ROCK2: variants seen among roughly 807,000 people sequenced by gnomAD.
The protein encoded by ROCK2 is Rho associated coiled-coil containing protein kinase 2.
ROCK2 carries 61 observed loss-of-function variants against 195.1 expected under a neutral mutation model. That is an observed-to-expected ratio of 0.31 (90% CI 0.25 to 0.39). The LOEUF is 0.39. Among genes scored for constraint, ROCK2 ranks in the 10% least tolerant of loss-of-function variants. ROCK2 has a pLI of 1.00. For missense variants in ROCK2, 1,109 were observed against 1,637.4 expected, an observed-to-expected ratio of 0.68 and a Z score of 5.57; for synonymous variants, 504 against 545.5, an observed-to-expected ratio of 0.92 and a Z score of 1.06.
At chr2:11,272,986 AC>A (rs143307613) in intron 3 of ROCK2, among the ~76,000 whole-genome samples, 6,393 of 151,858 alleles carry the variant, frequency 0.042, 273 homozygotes, top group Non-Finnish European at 0.06. Context: ...TATGGTATCT[AC>A]AAAGAAAACA....
intron 1 of ROCK2, among the ~76,000 whole-genome samples, chr2:11,297,173 A>C (rs749958234): frequency 1.4e-4 from 21 of 152,282 alleles, no homozygotes; most frequent in South Asian, 6.2e-4. Context: ...GGTAGGAATT[A>C]GTATTTTTAA....
In ROCK2 at chr2:11,320,444, A is replaced by C. The variant is rs1668366395; in HGVS notation, c.141+23552T>G. On this transcript the variant is annotated intron_variant, in intron 1 of 32. Transcript: ENST00000315872. ...CTAAATACTTTAACACTTAAATGTA[A>C]GGAAGACACCAACATTGAGTCCTTT... Among the ~76,000 whole-genome samples, 3 of 152,206 alleles carry C rather than the reference A, an allele frequency of 2.0e-5. No homozygotes were observed. In the South Asian group the frequency reaches 6.2e-4, roughly 31 times the overall value.
chr2:11,240,110 C>A (rs1289888988), intron 4 of ROCK2, among the ~76,000 whole-genome samples: 1 of 152,178 alleles, frequency 6.6e-6, no homozygotes, highest in Non-Finnish European at 1.5e-5. Context: ...ATAAGGGCCC[C>A]ATTACACAGA....
At chr2:11,239,018 C>A (rs910519671) in intron 4 of ROCK2, among the ~76,000 whole-genome samples, 1 of 151,342 alleles carries the variant, frequency 6.6e-6, no homozygotes, top group African/African-American at 2.4e-5. Context: ...ATAGCTACAG[C>A]CAAAATATTT....
At chr2:11,271,045 T>C (rs1158602851) in intron 3 of ROCK2, among the ~76,000 whole-genome samples, 1 of 152,232 alleles carries the variant, frequency 6.6e-6, no homozygotes, top group Non-Finnish European at 1.5e-5. Context: ...TGATTAGGTC[T>C]CAGCGAATCC....
At chr2:11,250,395 T>G (rs1665788567) in intron 3 of ROCK2, among the ~76,000 whole-genome samples, 1 of 152,198 alleles carries the variant, frequency 6.6e-6, no homozygotes. Context: ...GCAAATTTCA[T>G]AAAGGCAAGA....
At chr2:11,274,346 A>G (rs542344680) in intron 3 of ROCK2, among the ~76,000 whole-genome samples, 5 of 152,220 alleles carry the variant, frequency 3.3e-5, no homozygotes, top group African/African-American at 1.2e-4. Flanking sequence ...GAAACAATCC[A>G]AAAGAGTCAC....
In ROCK2 at chr2:11,197,439, G is replaced by A; in HGVS notation, c.3279+87C>T. 6.6e-7 allele frequency: 1 copy of A among 1,521,572 alleles called. No individual in the cohort carries two copies. Among genetic ancestry groups the A allele is most frequent in the Non-Finnish European group, 9.0e-7 (1 of 1,115,400 alleles). 94.3% of individuals were successfully genotyped at this position (1,521,572 alleles called of 1,614,324 possible). On this transcript the variant is annotated intron_variant, in intron 26 of 32. Coordinates refer to ENST00000315872, the MANE Select transcript of ROCK2 (RefSeq NM_004850.5). This position sits in a 1 kb window ranked among gnomAD's most constrained non-coding sequence, Gnocchi z 4.9. Reference sequence around the variant, plus strand: ...TCAATAATAATTATTAAATAGAAATGGTCTATAACCAGTAAAACACAGACA... The same window carrying A: ...TCAATAATAATTATTAAATAGAAATAGTCTATAACCAGTAAAACACAGACA...
chr2:11,239,948 T>C (rs1011087538), intron 4 of ROCK2, among the ~76,000 whole-genome samples: 3 of 152,210 alleles, frequency 2.0e-5, no homozygotes, highest in Non-Finnish European at 4.4e-5. Flanking sequence ...AGTTTTATTA[T>C]AAAGGATGCA....
chr2:11,208,918 T>A (rs1242037712), intron 18 of ROCK2, among the ~76,000 whole-genome samples: 3 of 152,192 alleles, frequency 2.0e-5, no homozygotes, highest in Non-Finnish European at 4.4e-5. Flanking sequence ...ATATTTTCAC[T>A]TTCATACTTG....
At chr2:11,189,192 T>G (rs909972139) in intron 32 of ROCK2, among the ~76,000 whole-genome samples, 1 of 152,222 alleles carries the variant, frequency 6.6e-6, no homozygotes, top group African/African-American at 2.4e-5. Flanking sequence ...AACTTTGTTT[T>G]AAGAAGGATA....
intron 9 of ROCK2, among the ~76,000 whole-genome samples, chr2:11,219,931 T>C (rs535576050): frequency 6.6e-6 from 1 of 151,998 alleles, no homozygotes; most frequent in East Asian, 1.9e-4. Flanking sequence ...ATTCCAACCT[T>C]GAACTCCTGG....
At chr2:11,308,005 G>A (rs1667916413) in intron 1 of ROCK2, 1 of 1,534,558 alleles carries the variant, frequency 6.5e-7, no homozygotes, top group Non-Finnish European at 8.8e-7. Context: ...GGGCAGGAGG[G>A]GACGGGGTGG....
At chr2:11,218,905 G>T (rs9808228) in intron 10 of ROCK2, 61 bp downstream of exon 10, 825,015 of 928,000 alleles carry the variant, frequency 0.89, 368,118 homozygotes, top group East Asian at 1. Flanking sequence ...AAAACATGGG[G>T]ATTACTAAAA....
intron 32 of ROCK2, among the ~76,000 whole-genome samples, chr2:11,191,030 T>A (rs1176422642): frequency 5.9e-5 from 9 of 152,180 alleles, no homozygotes; most frequent in Admixed American, 5.9e-4. Context: ...CTTGAGAGAT[T>A]AGTTTCAGAA....
At chr2:11,220,423 A>T (rs1175913547) in intron 9 of ROCK2, among the ~76,000 whole-genome samples, 1 of 152,112 alleles carries the variant, frequency 6.6e-6, no homozygotes, top group East Asian at 1.9e-4. Flanking sequence ...TGCTAGGATT[A>T]CATGTGTGAA....
chr2:11,320,504 T>C (rs1394428637), intron 1 of ROCK2, among the ~76,000 whole-genome samples: 1 of 135,848 alleles, frequency 7.4e-6, no homozygotes. Context: ...GCAAACATTT[T>C]TTTGCCTTGT....
At chr2:11,259,689 C>T (rs1290554504) in intron 3 of ROCK2, among the ~76,000 whole-genome samples, 1 of 151,176 alleles carries the variant, frequency 6.6e-6, no homozygotes, top group Admixed American at 6.6e-5. Context: ...ATACATAAAT[C>T]TATACTAATA....
At chr2:11,217,025 CT>C in intron 12 of ROCK2, 64 bp downstream of exon 12, 1 of 822,658 alleles carries the variant, frequency 1.2e-6, no homozygotes, top group Non-Finnish European at 1.9e-6. Context: ...CCTGGCCGCT[CT>C]TTTTTCAGTA....
Sources: gnomAD v4.1 joint callset for allele counts (sites outside exome capture counted in the v4.1 genomes callset) on GRCh38, gnomAD v4.1.1 for gene constraint, Gnocchi (gnomAD v3.1) non-coding constraint, MANE v1.5 for transcripts, NCBI Gene and HGNC (gene_info 2026-07-23, HGNC 2026-07-21) for gene names.